The following PLEKHA7 variants were observed in gnomAD, a reference collection of about 807,000 sequenced individuals.
The protein encoded by PLEKHA7 is pleckstrin homology domain containing A7.
Under a neutral mutation model 170.0 loss-of-function variants are expected in PLEKHA7, and 104 were observed. That is an observed-to-expected ratio of 0.61 (90% CI 0.52 to 0.72). The LOEUF is 0.72. Among genes scored for constraint, PLEKHA7 ranks in the 30% least tolerant of loss-of-function variants. The pLI is 0.00. For missense variants in PLEKHA7, 1,615 were observed against 1,671.7 expected, an observed-to-expected ratio of 0.97 and a Z score of 0.59; for synonymous variants, 648 against 660.8, an observed-to-expected ratio of 0.98 and a Z score of 0.30.
At chr11:16,851,407 C>T (rs1852943545) in intron 7 of PLEKHA7, 116 bp from the exon 8 acceptor site, 4 of 575,714 alleles carry the variant, frequency 6.9e-6, no homozygotes, top group South Asian at 5.7e-5. Context: ...TGTCCATCCT[C>T]CCACAACCCA....
chr11:16,959,915 C>T (rs563962913), intron 3 of PLEKHA7, among the ~76,000 whole-genome samples: 53 of 152,240 alleles, frequency 3.5e-4, no homozygotes, highest in East Asian at 1.5e-3. Flanking sequence ...CCGGGCCAAG[C>T]CCAACTGAAG....
intron 4 of PLEKHA7, among the ~76,000 whole-genome samples, chr11:16,861,722 G>A (rs980163378): frequency 6.6e-6 from 1 of 152,106 alleles, no homozygotes; most frequent in African/African-American, 2.4e-5. Context: ...ATCTTTTACT[G>A]AGAACACCTT....
chr11:17,014,249 T>C (rs1473431878), intron 1 of PLEKHA7, 48 bp from the exon 2 acceptor site: 4 of 1,404,920 alleles, frequency 2.8e-6, no homozygotes, highest in South Asian at 3.3e-5. Context: ...GCCCGCCGGG[T>C]GCCCGCCCGG....
At chr11:16,780,029 A>G (rs1205216997) in intron 26 of PLEKHA7, among the ~76,000 whole-genome samples, 3 of 151,740 alleles carry the variant, frequency 2.0e-5, no homozygotes, top group Non-Finnish European at 4.4e-5. Flanking sequence ...CGAAAGAGAT[A>G]CTTAGCACAA....
chr11:16,782,693 C>A, intron 26 of PLEKHA7, 61 bp downstream of exon 26: 1 of 1,523,986 alleles, frequency 6.6e-7, no homozygotes, highest in Non-Finnish European at 8.8e-7. Flanking sequence ...CCATGCTGGG[C>A]CCAAGCCCAC....
intron 3 of PLEKHA7, among the ~76,000 whole-genome samples, chr11:16,923,628 A>T (rs1489892840): frequency 6.6e-6 from 1 of 151,992 alleles, no homozygotes; most frequent in African/African-American, 2.4e-5. Context: ...AATTGGGAGG[A>T]GGGGGAGGGA....
chr11:16,786,523 A>G, intron 23 of PLEKHA7, 136 bp from the exon 24 acceptor site: 1 of 1,466,980 alleles, frequency 6.8e-7, no homozygotes, highest in Non-Finnish European at 9.0e-7. Flanking sequence ...TGCAATAGAG[A>G]ATGAAGCTGC....
chr11:16,984,727 T>C (rs1863628574), intron 3 of PLEKHA7, among the ~76,000 whole-genome samples: 1 of 152,252 alleles, frequency 6.6e-6, no homozygotes, highest in African/African-American at 2.4e-5. Flanking sequence ...TGCTAATACG[T>C]AAGCTCCATG....
intron 3 of PLEKHA7, chr11:16,881,539 C>G (rs12786886): frequency 0.013 from 2,022 of 152,356 alleles, 18 homozygotes; most frequent in South Asian, 0.04. Flanking sequence ...TGAGTCACTG[C>G]CCCACTGTGG....
rs151215852 is a variant in PLEKHA7, at chr11:16,904,046, T to C, written c.222-32864A>G. ...CTCAGATCTTTCACAGCCAAAATTGTAGAACCCTCTCAAAAACCTTCAAGC... is the reference window on the plus strand; with the variant it reads ...CTCAGATCTTTCACAGCCAAAATTGCAGAACCCTCTCAAAAACCTTCAAGC... On this transcript the variant is annotated intron_variant, in intron 3 of 26. Coordinates refer to ENST00000531066, the MANE Select transcript of PLEKHA7 (RefSeq NM_001329630.2). Among the ~76,000 whole-genome samples, 1,191 of 152,356 alleles carry C rather than the reference T, an allele frequency of 7.8e-3. 18 individuals carry two copies. Among genetic ancestry groups the C allele is most frequent in the African/African-American group, 0.026 (1,097 of 41,578 alleles).
intron 4 of PLEKHA7, among the ~76,000 whole-genome samples, chr11:16,856,871 T>C (rs986127099): frequency 3.3e-5 from 5 of 152,120 alleles, no homozygotes; most frequent in Non-Finnish European, 5.9e-5. Flanking sequence ...AATGCTCCAA[T>C]AGGCAACAGA....
At chr11:16,976,870 A>G (rs1237045379) in intron 3 of PLEKHA7, among the ~76,000 whole-genome samples, 1 of 152,164 alleles carries the variant, frequency 6.6e-6, no homozygotes, top group African/African-American at 2.4e-5. Flanking sequence ...CATGCTAGGC[A>G]CTCAATAAAT....
At chr11:16,986,644 C>A (rs935770894) in intron 3 of PLEKHA7, among the ~76,000 whole-genome samples, 1 of 152,122 alleles carries the variant, frequency 6.6e-6, no homozygotes, top group Admixed American at 6.6e-5. Context: ...ACGCCCTGGC[C>A]CAGGAGTAGA....
At chr11:16,792,618 G>A (rs539262121) in intron 19 of PLEKHA7, among the ~76,000 whole-genome samples, 1 of 152,224 alleles carries the variant, frequency 6.6e-6, no homozygotes, top group East Asian at 1.9e-4. Context: ...GCTTGGCCTG[G>A]GAAAGAACCC....
chr11:16,894,940 G>A (rs1336032162), intron 3 of PLEKHA7, among the ~76,000 whole-genome samples: 2 of 152,154 alleles, frequency 1.3e-5, no homozygotes, highest in Admixed American at 6.5e-5. Flanking sequence ...CATCCTAGGA[G>A]GTAGTTATTA....
chr11:17,009,497 T>G (rs543327182), intron 3 of PLEKHA7, among the ~76,000 whole-genome samples: 2 of 152,296 alleles, frequency 1.3e-5, no homozygotes, highest in East Asian at 3.9e-4. Flanking sequence ...AAGATTAGGC[T>G]GTTATATAAT....
intron 13 of PLEKHA7, among the ~76,000 whole-genome samples, chr11:16,807,640 T>C (rs1291317701): frequency 6.6e-6 from 1 of 152,198 alleles, no homozygotes; most frequent in Non-Finnish European, 1.5e-5. Context: ...AGTCGTGCCA[T>C]GCATTCATCT....
intron 9 of PLEKHA7, among the ~76,000 whole-genome samples, chr11:16,834,407 T>C (rs1851351170): frequency 6.6e-6 from 1 of 151,840 alleles, no homozygotes; most frequent in South Asian, 2.1e-4. Context: ...CCACAGAGAA[T>C]GGGAAATGGC....
intron 9 of PLEKHA7, among the ~76,000 whole-genome samples, chr11:16,830,439 C>T (rs917776161): frequency 1.1e-4 from 17 of 152,220 alleles, no homozygotes; most frequent in African/African-American, 3.9e-4. Context: ...GTTTCACTTG[C>T]TCTGATATTT....
Sources: gnomAD v4.1 joint callset for allele counts (sites outside exome capture counted in the v4.1 genomes callset) on GRCh38, gnomAD v4.1.1 for gene constraint, MANE v1.5 for transcripts, NCBI Gene and HGNC (gene_info 2026-07-23, HGNC 2026-07-21) for gene names.